Variants in MYH14 observed in about 807,000 individuals in gnomAD.
MYH14 encodes myosin-14.
A neutral mutation model predicts 255.5 loss-of-function variants in MYH14; 123 were observed. That is an observed-to-expected ratio of 0.48 (90% CI 0.42 to 0.56). The LOEUF (loss-of-function observed/expected upper bound fraction) is 0.56, where lower values mean the gene tolerates loss of function less well. Ranked by LOEUF, MYH14 falls within the 20% of genes least tolerant of loss-of-function variation. The pLI is 0.00. For missense variants in MYH14, 2,423 were observed against 2,802.3 expected, an observed-to-expected ratio of 0.86 and a Z score of 3.06; for synonymous variants, 1,095 against 1,161.2, an observed-to-expected ratio of 0.94 and a Z score of 1.16.
chr19:50,292,857 CGGAGAAGGCAGTCAGAAGGCAGGAG>C (rs1366321852), intron 37 of MYH14, among the ~76,000 whole-genome samples: 1 of 150,126 alleles, frequency 6.7e-6, no homozygotes, highest in Non-Finnish European at 1.5e-5. Flanking sequence ...ATGCAGAGGA[CGGAGAAGGCAGTCAGAAGGCAGGAG>C]GGAGAAGGCT....
intron 35 of MYH14, among the ~76,000 whole-genome samples, chr19:50,290,496 A>G (rs2036035172): frequency 6.6e-6 from 1 of 152,080 alleles, no homozygotes; most frequent in Admixed American, 6.5e-5. Flanking sequence ...GGAGGCAGGG[A>G]AGAGAGGTGA....
intron 33 of MYH14, among the ~76,000 whole-genome samples, chr19:50,283,124 A>AT (rs2035780038): frequency 1.6e-5 from 2 of 128,604 alleles, no homozygotes; most frequent in African/African-American, 6.9e-5. Flanking sequence ...TACTCAAAAT[A>AT]ATTTTTTTTT....
intron 30 of MYH14, among the ~76,000 whole-genome samples, chr19:50,279,205 C>A (rs788332): frequency 0.37 from 56,581 of 151,980 alleles, 10,930 homozygotes; most frequent in South Asian, 0.42. Flanking sequence ...ATCTCCCATT[C>A]TGGAGATCTT....
chr19:50,232,099 A>AG (rs767034141), intron 10 of MYH14, 29 bp downstream of exon 10: 3 of 1,606,812 alleles, frequency 1.9e-6, no homozygotes, highest in East Asian at 2.2e-5. Context: ...GGCCAGGGGT[A>AG]GGGGGGAACC....
intron 2 of MYH14, among the ~76,000 whole-genome samples, chr19:50,213,204 C>G (rs994197229): frequency 1.3e-5 from 2 of 152,164 alleles, no homozygotes; most frequent in Non-Finnish European, 1.5e-5. Flanking sequence ...CCAACTCAGC[C>G]TCTCAAAGTG....
At chr19:50,273,601 GGT>G (rs56095197) in intron 27 of MYH14, among the ~76,000 whole-genome samples, 14 of 137,552 alleles carry the variant, frequency 1.0e-4, no homozygotes, top group South Asian at 2.6e-4. Flanking sequence ...GAACATGGGG[GGT>G]GTGTGTGTGT....
intron 42 of MYH14, 105 bp from the exon 43 acceptor site, chr19:50,309,531 CTCTT>C (rs1308283246): frequency 5.1e-6 from 4 of 782,976 alleles, no homozygotes; most frequent in Non-Finnish European, 6.4e-6. Context: ...TTTGTTCTCT[CTCTT>C]CCTATCTCTC....
chr19:50,237,662 G>A (rs906002920), intron 10 of MYH14, among the ~76,000 whole-genome samples: 3 of 152,138 alleles, frequency 2.0e-5, no homozygotes, highest in African/African-American at 7.2e-5. Context: ...AATCTACCTC[G>A]TCGCTGTCCA....
chr19:50,290,248 C>T (rs554780668), intron 35 of MYH14, among the ~76,000 whole-genome samples: 4 of 152,114 alleles, frequency 2.6e-5, no homozygotes, highest in South Asian at 2.1e-4. Flanking sequence ...CCTGCTCATC[C>T]GCCCTCCCCT....
rs1163298902 is a variant in MYH14, at chr19:50,251,468, TACAC to T, written c.1830+782_1830+785del. ...TGAAGGTTCTATTCCTATATATATA[TACAC>T]ATATATATATACACACATATATATA... On this transcript the variant is annotated intron_variant, in intron 15 of 42. Transcript: ENST00000642316. 1.1e-3 allele frequency among the ~76,000 whole-genome samples: 154 copies of T among 145,826 alleles called. 2 individuals are homozygous for T. The highest frequency in any genetic ancestry group is 1.7e-3 in the Non-Finnish European group (116 of 66,670).
chr19:50,262,665 G>A (rs902843815), intron 21 of MYH14, among the ~76,000 whole-genome samples: 1 of 152,036 alleles, frequency 6.6e-6, no homozygotes, highest in Admixed American at 6.6e-5. Context: ...GGGTGGGTCA[G>A]CTCTGGGTGT....
intron 6 of MYH14, 35 bp downstream of exon 6, chr19:50,224,212 C>T (rs1255688114): frequency 1.2e-6 from 2 of 1,613,852 alleles, no homozygotes; most frequent in East Asian, 2.2e-5. Flanking sequence ...GTCTTGCTGC[C>T]CCTAATGCCT....
chr19:50,273,664 C>T (rs528353798), intron 27 of MYH14, among the ~76,000 whole-genome samples: 6 of 150,090 alleles, frequency 4.0e-5, no homozygotes, highest in African/African-American at 1.2e-4. Context: ...TGTTTTGAAA[C>T]GGAGTCTTGC....
chr19:50,290,812 C>T, intron 35 of MYH14, 75 bp from the exon 36 acceptor site: 1 of 1,457,666 alleles, frequency 6.9e-7, no homozygotes, highest in Non-Finnish European at 9.2e-7. Context: ...CCAGGGCAGA[C>T]ATCCATGTCC....
In MYH14 at chr19:50,231,991, T is replaced by A; in HGVS notation, c.1035T>A (p.Ser345=). The A allele has an allele frequency of 6.2e-7, 1 of 1,613,848 alleles. No individual in the cohort carries two copies. Among genetic ancestry groups the A allele is most frequent in the Non-Finnish European group, 8.5e-7 (1 of 1,179,876 alleles). ...TCCTGACCAACGGGCCGTCATCCTC[T>A]CCCGGCCAGGAGCGGGAACTCTTCC... ...YRFLTNGPSS[S]PGQERELFQE... Residue 345 remains serine (S), a synonymous_variant, in exon 10 of 43, where the codon TCT becomes TCA. Coordinates refer to ENST00000642316, the MANE Select transcript of MYH14 (RefSeq NM_001145809.2).
intron 11 of MYH14, among the ~76,000 whole-genome samples, chr19:50,246,692 T>C (rs1390072403): frequency 6.6e-6 from 1 of 152,120 alleles, no homozygotes; most frequent in Non-Finnish European, 1.5e-5. Flanking sequence ...GCCCGACCCA[T>C]CTAACCAATT....
At position 50,230,824 on chromosome 19, in the gene MYH14, G is replaced by C. The variant is rs1420468707; in HGVS notation, c.973+201G>C. On this transcript the variant is annotated intron_variant, in intron 9 of 42. Transcript: ENST00000642316. This position sits in a 1 kb window ranked among gnomAD's most constrained non-coding sequence, Gnocchi z 4.7. ...TGGGTTCTGCTGCGCTCTGGTTCCA[G>C]CTCTGTCCCGGGTCTGGCTCGCGCC... is the stretch of plus-strand genomic sequence containing the variant. 1 of 578,148 alleles carries C rather than the reference G, an allele frequency of 1.7e-6. No homozygotes were observed. The highest frequency in any genetic ancestry group is 3.1e-6 in the Non-Finnish European group (1 of 323,638). The allele number at this position is 578,148 out of a possible 1,614,324, so 35.8% of individuals were successfully genotyped here.
chr19:50,214,332 T>G (rs2032357128), intron 2 of MYH14, among the ~76,000 whole-genome samples: 1 of 152,204 alleles, frequency 6.6e-6, no homozygotes, highest in Admixed American at 6.6e-5. Context: ...ACATGTTTGT[T>G]GACTGACCAA....
chr19:50,264,067 A>AG lies in MYH14; in HGVS notation c.2694+647_2694+648insG, dbSNP rs574618331. On this transcript the variant is annotated intron_variant, in intron 22 of 42. Coordinates refer to ENST00000642316, the MANE Select transcript of MYH14 (RefSeq NM_001145809.2). The stretch of plus-strand genomic sequence containing the variant: ...CAAAACTCTGTCTCAAAAAAAAAAA[A>AG]AAAAAAAAAGAGCAAAGGTTAAAAA... Among the ~76,000 whole-genome samples the AG allele has an allele frequency of 7.7e-4, 91 of 118,616 alleles. 1 individual carries two copies. The highest frequency in any genetic ancestry group is 9.3e-3 in the Middle Eastern group (2 of 216). The allele number at this position is 118,616 out of a possible 152,430, so 77.8% of individuals were successfully genotyped here.
Sources: allele counts gnomAD v4.1 joint callset (sites outside exome capture counted in the v4.1 genomes callset), GRCh38; gene constraint gnomAD v4.1.1; non-coding constraint Gnocchi (gnomAD v3.1); transcripts MANE v1.5; gene names NCBI Gene and HGNC (gene_info 2026-07-23, HGNC 2026-07-21).